The following SORBS2 variants were observed in gnomAD, a reference collection of about 807,000 sequenced individuals.
SORBS2 encodes sorbin and SH3 domain-containing protein 2.
SORBS2 carries 46 observed loss-of-function variants against 97.7 expected under a neutral mutation model. The observed-to-expected ratio is 0.47, with a 90% CI of 0.37 to 0.60. The LOEUF is 0.60. Among genes scored for constraint, SORBS2 ranks in the 20% least tolerant of loss-of-function variants. The pLI, the probability that SORBS2 is intolerant of heterozygous loss-of-function variation, is 0.00. For synonymous variants in SORBS2, 476 were observed against 473.4 expected, an observed-to-expected ratio of 1.01 and a Z score of -0.07; for missense variants, 1,316 against 1,282.3, an observed-to-expected ratio of 1.03 and a Z score of -0.40.
chr4:185,751,419 G>A (rs1433379304), intron 2 of SORBS2, among the ~76,000 whole-genome samples: 3 of 152,130 alleles, frequency 2.0e-5, no homozygotes, highest in Non-Finnish European at 2.9e-5. Flanking sequence ...GATGACAGAA[G>A]TTTGGTGATC....
chr4:185,618,277 C>G (rs557409134), intron 9 of SORBS2, among the ~76,000 whole-genome samples: 124 of 152,294 alleles, frequency 8.1e-4, no homozygotes, highest in African/African-American at 2.8e-3. Context: ...GCCTGGCCCC[C>G]AATACTTCAT....
At chr4:185,749,330 C>T (rs930705325) in intron 2 of SORBS2, among the ~76,000 whole-genome samples, 1 of 152,242 alleles carries the variant, frequency 6.6e-6, no homozygotes, top group Non-Finnish European at 1.5e-5. Flanking sequence ...GAGCCACCCT[C>T]TGGGAACAGC....
chr4:185,827,328 C>T (rs370752021), intron 1 of SORBS2, among the ~76,000 whole-genome samples: 14,480 of 24,012 alleles, frequency 0.6, 3,570 homozygotes, highest in South Asian at 0.64. Context: ...TCACCATCAT[C>T]ATCATCATCA....
In SORBS2 at chr4:185,825,878, C is replaced by T. The variant is rs62335730; in HGVS notation, c.-337-50512G>A. ...AAAAGAAGAATGGTTTTGATTTTCT[C>T]GGTTGCGATGACCTAGCTGGCTCAA... On this transcript the variant is annotated intron_variant, in intron 1 of 20. Coordinates refer to the SORBS2 transcript ENST00000284776. Among the ~76,000 whole-genome samples the T allele has an allele frequency of 6.7e-3, 1,013 of 152,136 alleles. 8 individuals are homozygous for T. The highest frequency in any genetic ancestry group is 0.023 in the African/African-American group (940 of 41,520).
chr4:185,689,647 G>C (rs1024867991), intron 2 of SORBS2, among the ~76,000 whole-genome samples: 5 of 152,168 alleles, frequency 3.3e-5, no homozygotes, highest in African/African-American at 1.2e-4. Context: ...ATGACGCAAG[G>C]CTCTGCACTC....
chr4:185,647,158 G>C (rs2097221158), intron 3 of SORBS2, among the ~76,000 whole-genome samples: 1 of 152,104 alleles, frequency 6.6e-6, no homozygotes, highest in Non-Finnish European at 1.5e-5. Context: ...TCTTGAAGTG[G>C]GATCATCGCT....
intron 2 of SORBS2, among the ~76,000 whole-genome samples, chr4:185,709,320 T>TTTTTTTTTTTTTTTTTTC (rs1181008953): frequency 7.1e-6 from 1 of 140,976 alleles, no homozygotes; most frequent in African/African-American, 2.7e-5. Context: ...TTTTTTTTTT[T>TTTTTTTTTTTTTTTTTTC]TTTTAGTAAA....
chr4:185,931,519 T>C (rs541834257), intron 1 of SORBS2, among the ~76,000 whole-genome samples: 2 of 151,918 alleles, frequency 1.3e-5, no homozygotes, highest in East Asian at 1.9e-4. Context: ...AATTACTAAG[T>C]GGGAACATCA....
intron 1 of SORBS2, among the ~76,000 whole-genome samples, chr4:185,856,358 A>G (rs1427105519): frequency 3.9e-5 from 6 of 152,148 alleles, no homozygotes; most frequent in Non-Finnish European, 8.8e-5. Context: ...GCCATCCAAA[A>G]TTATAGCAAA....
intron 1 of SORBS2, among the ~76,000 whole-genome samples, chr4:185,805,228 ACT>A (rs1491208093): frequency 2.1e-4 from 1 of 4,794 alleles, no homozygotes; most frequent in East Asian, 0.013. Flanking sequence ...CACCAGGAAG[ACT>A]ATATATATAT....
At chr4:185,932,296 A>C (rs182620104) in intron 1 of SORBS2, among the ~76,000 whole-genome samples, 1 of 151,876 alleles carries the variant, frequency 6.6e-6, no homozygotes, top group East Asian at 1.9e-4. Flanking sequence ...GAAATCTTGC[A>C]AAGGACAGTG....
At chr4:185,844,027 TCCCTTCC>T (rs1441321929) in intron 1 of SORBS2, among the ~76,000 whole-genome samples, 1 of 152,110 alleles carries the variant, frequency 6.6e-6, no homozygotes, top group African/African-American at 2.4e-5. Flanking sequence ...AGATAACACA[TCCCTTCC>T]TTGGAGGAAG....
At chr4:185,627,295 A>C (rs150898461) in intron 5 of SORBS2, among the ~76,000 whole-genome samples, 3,636 of 152,304 alleles carry the variant, frequency 0.024, 65 homozygotes, top group Non-Finnish European at 0.034. Flanking sequence ...CTGCAGCCCC[A>C]AACTCCTGGG....
Position 185,678,838 on chromosome 4 carries a change from A to T in SORBS2, c.-197-16T>A, listed in dbSNP as rs67212481. 341,235 of 1,413,684 alleles carry T rather than the reference A, an allele frequency of 0.24. 44,426 individuals are homozygous for T. Among genetic ancestry groups the T allele is most frequent in the Non-Finnish European group, 0.26 (272,786 of 1,064,450 alleles). 87.6% of individuals were successfully genotyped at this position (1,413,684 alleles called of 1,614,324 possible). On this transcript the variant is annotated splice_polypyrimidine_tract_variant and intron_variant, in intron 2 of 20. Transcript: ENST00000284776. ...GAATCACGCCCTGAAAGAAAAAAAAATGTTGAAATTAAGACTAAGGTGAAA... is the reference window on the plus strand; with the variant it reads ...GAATCACGCCCTGAAAGAAAAAAAATTGTTGAAATTAAGACTAAGGTGAAA...
rs1317294270 is a variant in SORBS2 at position 185,607,236 on chromosome 4, T to C, written c.2796+4544A>G. 1 of 1,207,340 alleles carries C rather than the reference T, an allele frequency of 8.3e-7. No individual in the cohort carries two copies. The highest frequency in any genetic ancestry group is 1.6e-5 in the African/African-American group (1 of 60,972). 74.8% of individuals were successfully genotyped at this position (1,207,340 alleles called of 1,614,324 possible). ...GTGTTGGGGCCAAAGGGTTTGCTGG[T>C]AGACATGAGGCTGTCAGGGACAACC... On this transcript the variant is annotated intron_variant, in intron 12 of 14. Transcript: ENST00000418609. The surrounding 1 kb of genome is among the most constrained non-coding windows in gnomAD (Gnocchi z 5.2).
intron 1 of SORBS2, among the ~76,000 whole-genome samples, chr4:185,901,204 A>ATT (rs61631883): frequency 2.7e-5 from 4 of 148,174 alleles, no homozygotes; most frequent in South Asian, 2.1e-4. Context: ...TTGAAGAAGA[A>ATT]TTTTTTTTTT....
At chr4:185,724,567 C>G (rs2098542400) in intron 2 of SORBS2, among the ~76,000 whole-genome samples, 1 of 152,138 alleles carries the variant, frequency 6.6e-6, no homozygotes, top group African/African-American at 2.4e-5. Context: ...CCTGAGGACT[C>G]TTCCTAATAC....
chr4:185,805,159 T>G (rs912078852), intron 1 of SORBS2, among the ~76,000 whole-genome samples: 1 of 152,188 alleles, frequency 6.6e-6, no homozygotes, highest in African/African-American at 2.4e-5. Context: ...GCATTTGAGC[T>G]TTATCTATGC....
At chr4:185,636,060 T>C (rs1243325714) in intron 4 of SORBS2, among the ~76,000 whole-genome samples, 1 of 152,124 alleles carries the variant, frequency 6.6e-6, no homozygotes, top group Non-Finnish European at 1.5e-5. Flanking sequence ...GGTTTCACCA[T>C]GTTGGCCAGG....
Sources: gnomAD v4.1 joint callset for allele counts (sites outside exome capture counted in the v4.1 genomes callset) on GRCh38, gnomAD v4.1.1 for gene constraint, Gnocchi (gnomAD v3.1) non-coding constraint, MANE v1.5 for transcripts, NCBI Gene and HGNC (gene_info 2026-07-23, HGNC 2026-07-21) for gene names.